The following PARP11 variants were observed in gnomAD, a reference collection of about 807,000 sequenced individuals.
PARP11 encodes poly(ADP-ribose) polymerase family member 11.
In PARP11, 31 loss-of-function variants were observed where a neutral mutation model predicts 42.9. The observed-to-expected ratio is 0.72, with a 90% CI of 0.54 to 0.98. The LOEUF is 0.98. Ranked by LOEUF, PARP11 falls within the 50% of genes least tolerant of loss-of-function variation. The pLI is 0.00. For synonymous variants in PARP11, 137 were observed against 127.3 expected (o/e 1.08, Z -0.51); for missense variants, 365 against 413.1 (o/e 0.88, Z 1.01).
At chr12:3,812,694 A>C (rs900142174) in intron 7 of PARP11, among the ~76,000 whole-genome samples, 1 of 152,176 alleles carries the variant, frequency 6.6e-6, no homozygotes, top group Non-Finnish European at 1.5e-5. Context: ...GCCCCCACCA[A>C]AATATAGCTA....
chr12:3,823,203 A>C lies in PARP11; in HGVS notation c.345-1046T>G, dbSNP rs1565533790. On this transcript the variant is annotated intron_variant, in intron 4 of 7. Transcript: ENST00000228820. ...ATGAAAAAAATCAAATAGGTGATTT[A>C]AAAATTAATATGTGTGAAGAAATAT... is the stretch of plus-strand genomic sequence containing the variant. Among the ~76,000 whole-genome samples, 4 of 152,236 alleles carry C rather than the reference A, an allele frequency of 2.6e-5. No homozygotes were observed. In the South Asian group the frequency reaches 8.3e-4, roughly 32 times the overall value.
chr12:3,839,560 T>C (rs990693564), intron 1 of PARP11: 49 of 1,457,446 alleles, frequency 3.4e-5, no homozygotes, highest in Non-Finnish European at 4.5e-5. Flanking sequence ...AGGAGGATCA[T>C]TTGAAGGATA....
At position 3,828,958 on chromosome 12, in the gene PARP11, A is replaced by T. The variant is rs1052914196; in HGVS notation, c.220T>A (p.Ser74Thr). ...EKSFKTNPCG[S>T]ISFTTSKFSY... ...AATTTGGAAGTAGTAAAAGAAATGG[A>T]GCCACAAGGGTTTGTTTTGAAGCTT... is the stretch of plus-strand genomic sequence containing the variant. Residue 74 changes from serine to threonine, a missense_variant, in exon 3 of 8, where the codon TCC (serine) becomes ACC (threonine). Ser to Thr is a moderately conservative substitution (Grantham distance 58). Coordinates refer to ENST00000228820, the MANE Select transcript of PARP11 (RefSeq NM_020367.6). 2.5e-6 allele frequency: 4 copies of T among 1,613,920 alleles called. No homozygotes were observed. Among genetic ancestry groups the T allele is most frequent in the Non-Finnish European group, 2.5e-6 (3 of 1,179,906 alleles).
chr12:3,837,537 G>A (rs975289808), intron 1 of PARP11, among the ~76,000 whole-genome samples: 1 of 152,190 alleles, frequency 6.6e-6, no homozygotes, highest in East Asian at 1.9e-4. Flanking sequence ...GAAAGGAAGA[G>A]AGCAGTTACA....
At chr12:3,818,352 A>G (rs1259566879) in intron 6 of PARP11, among the ~76,000 whole-genome samples, 1 of 151,960 alleles carries the variant, frequency 6.6e-6, no homozygotes, top group African/African-American at 2.4e-5. Context: ...TTCGTCCTCT[A>G]CCTCTACTTA....
At chr12:3,821,721 G>A in intron 6 of PARP11, 152 bp downstream of exon 6, 1 of 747,430 alleles carries the variant, frequency 1.3e-6, no homozygotes, top group Non-Finnish European at 2.2e-6. Flanking sequence ...TTCACTCCCT[G>A]AGAATGCTGA....
intron 1 of PARP11, among the ~76,000 whole-genome samples, chr12:3,837,922 A>G (rs945502688): frequency 3.9e-5 from 6 of 151,906 alleles, no homozygotes; most frequent in African/African-American, 1.5e-4. Flanking sequence ...ATATCTATGC[A>G]CTCAACACCC....
chr12:3,823,806 C>T (rs1177601719), intron 4 of PARP11, among the ~76,000 whole-genome samples: 1 of 151,716 alleles, frequency 6.6e-6, no homozygotes, highest in Non-Finnish European at 1.5e-5. Context: ...ATCTCAGCTA[C>T]TCGGGAGGCT....
chr12:3,873,190 C>G (rs1460501971), intron 1 of PARP11, 22 bp downstream of exon 1: 1 of 1,540,948 alleles, frequency 6.5e-7, no homozygotes, highest in Admixed American at 2.0e-5. Flanking sequence ...CTGGGCCCGC[C>G]CCGTCCCGCC....
intron 1 of PARP11, among the ~76,000 whole-genome samples, chr12:3,830,708 T>C (rs1213152487): frequency 2.0e-5 from 3 of 152,166 alleles, no homozygotes; most frequent in African/African-American, 7.2e-5. Flanking sequence ...ACTACACAGA[T>C]GAAAATTCAT....
At chr12:3,827,148 T>C (rs1231280043) in intron 3 of PARP11, among the ~76,000 whole-genome samples, 1 of 152,214 alleles carries the variant, frequency 6.6e-6, no homozygotes, top group Non-Finnish European at 1.5e-5. Flanking sequence ...AGTTTACTTT[T>C]CACCATTTTT....
chr12:3,856,086 T>C (rs1948184532), intron 1 of PARP11, among the ~76,000 whole-genome samples: 1 of 152,172 alleles, frequency 6.6e-6, no homozygotes, highest in Admixed American at 6.5e-5. Flanking sequence ...AAGCTGAAAC[T>C]GGATCCCTTC....
chr12:3,839,930 A>G lies in PARP11; in HGVS notation c.19-9912T>C, dbSNP rs139511608. ...TCAGATTCAGAGGATGACAGCTGCA[A>G]GAGTAAAACTGCTGTTGCTGCTGCT... On this transcript the variant is annotated intron_variant, in intron 1 of 7. Coordinates refer to ENST00000228820, the MANE Select transcript of PARP11 (RefSeq NM_020367.6). 1.2e-4 allele frequency: 134 copies of G among 1,134,502 alleles called. No individual in the cohort carries two copies. In the East Asian group the frequency reaches 3.0e-3, roughly 25 times the overall value. 70.3% of individuals were successfully genotyped at this position (1,134,502 alleles called of 1,614,324 possible). A position where few individuals can be genotyped will look rare whatever the true frequency, so the allele number is the denominator to read the frequency against.
At chr12:3,850,463 A>G (rs2138092411) in intron 1 of PARP11, among the ~76,000 whole-genome samples, 1 of 152,318 alleles carries the variant, frequency 6.6e-6, no homozygotes, top group East Asian at 1.9e-4. Flanking sequence ...AGTTTATTCA[A>G]GGGAAAAAAG....
chr12:3,859,948 T>C (rs1413923583), intron 1 of PARP11, among the ~76,000 whole-genome samples: 1 of 152,210 alleles, frequency 6.6e-6, no homozygotes, highest in Non-Finnish European at 1.5e-5. Context: ...AATTGGATAT[T>C]TGGCTGAGGA....
chr12:3,835,021 C>G (rs1427282768), intron 1 of PARP11, among the ~76,000 whole-genome samples: 1 of 152,136 alleles, frequency 6.6e-6, no homozygotes, highest in Non-Finnish European at 1.5e-5. Context: ...TTAAATGAAA[C>G]AGCACTGTCA....
At chr12:3,849,931 G>A (rs1053808352) in intron 1 of PARP11, among the ~76,000 whole-genome samples, 1 of 152,010 alleles carries the variant, frequency 6.6e-6, no homozygotes. Context: ...CACATGTCCT[G>A]AAAATATGTA....
At chr12:3,825,507 GA>G (rs1480019161) in intron 4 of PARP11, among the ~76,000 whole-genome samples, 1 of 152,164 alleles carries the variant, frequency 6.6e-6, no homozygotes, top group Non-Finnish European at 1.5e-5. Context: ...ATGGCTCTGA[GA>G]GAGTACGTCC....
At chr12:3,872,861 G>A in intron 1 of PARP11, 4 of 944,500 alleles carry the variant, frequency 4.2e-6, no homozygotes, top group Non-Finnish European at 5.0e-6. Context: ...GGGAGACGGA[G>A]GTTGCGGTGG....
Sources: allele counts gnomAD v4.1 joint callset (sites outside exome capture counted in the v4.1 genomes callset), GRCh38; gene constraint gnomAD v4.1.1; transcripts MANE v1.5; gene names NCBI Gene and HGNC (gene_info 2026-07-23, HGNC 2026-07-21).